SLC31A2: variants seen among roughly 807,000 people sequenced by gnomAD.
The protein encoded by SLC31A2 is protein SLC31A2.
A neutral mutation model predicts 14.4 loss-of-function variants in SLC31A2; 16 were observed. The ratio of observed to expected loss-of-function variants is 1.11; its 90% CI spans 0.75 to 1.69. The LOEUF (loss-of-function observed/expected upper bound fraction) is 1.69. Among genes scored for constraint, SLC31A2 ranks in the 40% most tolerant of loss-of-function variants. The pLI is 0.00. For synonymous variants in SLC31A2, 56 were observed against 68.7 expected, an observed-to-expected ratio of 0.82 and a Z score of 0.91; for missense variants, 140 against 173.9, an observed-to-expected ratio of 0.81 and a Z score of 1.10.
In SLC31A2 at chr9:113,162,885, T is replaced by A. The variant is rs777566073; in HGVS notation, c.400T>A (p.Tyr134Asn). Reference protein sequence around the residue: ...GVVLGSAVGYYLAYPLLSTA With the variant: ...GVVLGSAVGYNLAYPLLSTA ...GGTCTTGGGCTCTGCTGTGGGCTACTACCTAGCTTACCCACTTCTCAGCAC... is the reference window on the plus strand; with the variant it reads ...GGTCTTGGGCTCTGCTGTGGGCTACAACCTAGCTTACCCACTTCTCAGCAC... Residue 134 changes from tyrosine to asparagine, a missense_variant, in exon 4 of 4, where the codon TAC becomes AAC. Coordinates refer to ENST00000259392, the MANE Select transcript of SLC31A2 (RefSeq NM_001860.3). 2.5e-6 allele frequency: 4 copies of A among 1,612,586 alleles called. No homozygotes were observed. The highest frequency in any genetic ancestry group is 3.4e-6 in the Non-Finnish European group (4 of 1,179,546).
chr9:113,152,841 C>T (rs1429095153), intron 1 of SLC31A2, among the ~76,000 whole-genome samples: 1 of 152,240 alleles, frequency 6.6e-6, no homozygotes, highest in Non-Finnish European at 1.5e-5. Flanking sequence ...CCTAAGATAA[C>T]TGGCCCAGGC....
At chr9:113,161,817 AG>A (rs1248613083) in intron 3 of SLC31A2, 119 bp downstream of exon 3, 1 of 1,137,680 alleles carries the variant, frequency 8.8e-7, no homozygotes, top group Non-Finnish European at 1.3e-6. Context: ...GGGAAGGACC[AG>A]GACTTGCCAA....
At chr9:113,155,406 G>T (rs183949047) in intron 1 of SLC31A2, among the ~76,000 whole-genome samples, 25 of 152,320 alleles carry the variant, frequency 1.6e-4, no homozygotes, top group Middle Eastern at 3.4e-3. Context: ...ATGGAGCTAA[G>T]AATAATAATT....
In SLC31A2 at chr9:113,161,558, A is replaced by G. The variant is rs1830012621; in HGVS notation, c.123A>G (p.Glu41=). The G allele has an allele frequency of 1.2e-6, 2 of 1,613,922 alleles. No homozygotes were observed. The stretch of plus-strand genomic sequence containing the variant: ...TCCTGCTTCTGGCTGTACTGTATGA[A>G]GGCATCAAGGTTGGCAAAGCCAAGC... ...LVLLLLAVLY[E]GIKVGKAKLL... is the part of the protein sequence containing the mutation. The change falls in exon 3 of 4, where the codon GAA becomes GAG. Residue 41 remains glutamate, a synonymous_variant. Transcript: ENST00000259392.
At chr9:113,155,119 A>G (rs922498560) in intron 1 of SLC31A2, among the ~76,000 whole-genome samples, 4 of 152,242 alleles carry the variant, frequency 2.6e-5, no homozygotes, top group Non-Finnish European at 5.9e-5. Context: ...ATTGCACAAG[A>G]AAGTGGGCTG....
Position 113,161,533 on chromosome 9 carries a change from TC to T in SLC31A2, c.100del (p.Leu34CysfsTer23). ...PAGMALSVLV[L>X]LLLAVLYEGI... ...GGCATGGCCCTTTCGGTGTTGGTGC[TC>T]CTGCTTCTGGCTGTACTGTATGAAG... On this transcript the variant is annotated frameshift_variant, in exon 3 of 4. Transcript: ENST00000259392. LOFTEE classifies it high-confidence loss of function. 6.2e-7 allele frequency: 1 copy of T among 1,613,994 alleles called. No homozygotes were observed. Among genetic ancestry groups the T allele is most frequent in the South Asian group, 1.1e-5 (1 of 91,078 alleles).
At chr9:113,162,043 G>A (rs899657754) in intron 3 of SLC31A2, 11 of 386,632 alleles carry the variant, frequency 2.8e-5, no homozygotes, top group African/African-American at 2.1e-4. Flanking sequence ...ATATCCAGGA[G>A]GGGATCTGCA....
At chr9:113,161,810 A>AAGGACCAG in intron 3 of SLC31A2, 112 bp downstream of exon 3, 1 of 1,228,922 alleles carries the variant, frequency 8.1e-7, no homozygotes, top group South Asian at 1.2e-5. Flanking sequence ...AGGCCCAGGG[A>AAGGACCAG]AGGACCAGGA....
intron 2 of SLC31A2, among the ~76,000 whole-genome samples, chr9:113,159,208 G>C (rs2118832895): frequency 6.6e-6 from 1 of 152,182 alleles, no homozygotes; most frequent in East Asian, 1.9e-4. Context: ...TTGGCTCACT[G>C]CAATCTCCAC....
At chr9:113,158,221 C>A (rs943305572) in intron 2 of SLC31A2, 1 of 350,840 alleles carries the variant, frequency 2.9e-6, no homozygotes. Context: ...GATGAGACAC[C>A]AATTTGAAAG....
intron 1 of SLC31A2, chr9:113,156,148 T>C (rs754940934): frequency 5.8e-6 from 3 of 518,002 alleles, no homozygotes; most frequent in South Asian, 1.4e-5. Flanking sequence ...ACACTGACGT[T>C]TGCCTCCACC....
At chr9:113,158,482 T>C (rs1829963054) in intron 2 of SLC31A2, among the ~76,000 whole-genome samples, 1 of 152,220 alleles carries the variant, frequency 6.6e-6, no homozygotes, top group South Asian at 2.1e-4. Flanking sequence ...GTGAGTTGAC[T>C]GGACCCAGGT....
At chr9:113,152,788 G>T (rs1829884892) in intron 1 of SLC31A2, among the ~76,000 whole-genome samples, 2 of 152,226 alleles carry the variant, frequency 1.3e-5, no homozygotes, top group African/African-American at 4.8e-5. Flanking sequence ...TGTTCTGTGG[G>T]TGTTCAGGTC....
At chr9:113,159,876 T>TA (rs1452590688) in intron 2 of SLC31A2, among the ~76,000 whole-genome samples, 1 of 152,066 alleles carries the variant, frequency 6.6e-6, no homozygotes, top group Non-Finnish European at 1.5e-5. Context: ...AGGAAACACT[T>TA]AAAAAGAGTA....
chr9:113,158,009 G>T (rs758110928), intron 2 of SLC31A2: 10 of 636,580 alleles, frequency 1.6e-5, no homozygotes, highest in African/African-American at 5.4e-5. Context: ...CACAAAGGCC[G>T]AGAGGCAGGG....
At chr9:113,162,422 C>G (rs1774040120) in intron 3 of SLC31A2, 1 of 231,620 alleles carries the variant, frequency 4.3e-6, no homozygotes, top group Non-Finnish European at 8.4e-6. Flanking sequence ...GAAGTAGATT[C>G]AGGGGGGAAA....
At chr9:113,156,758 G>GC (rs1829938754) in intron 1 of SLC31A2, among the ~76,000 whole-genome samples, 1 of 152,172 alleles carries the variant, frequency 6.6e-6, no homozygotes, top group Admixed American at 6.5e-5. Flanking sequence ...CAGTCATTAA[G>GC]CCTGGTGTGG....
intron 1 of SLC31A2, among the ~76,000 whole-genome samples, chr9:113,155,076 C>T (rs1032397207): frequency 2.6e-5 from 4 of 152,182 alleles, no homozygotes; most frequent in Non-Finnish European, 5.9e-5. Flanking sequence ...TTAAAACAAC[C>T]GAACGACAGC....
In SLC31A2 at chr9:113,162,837, A is replaced by T. The variant is rs1409219027; in HGVS notation, c.352A>T (p.Asn118Tyr). Residue 118 changes from asparagine to tyrosine, a missense_variant, in exon 4 of 4, where the codon AAC becomes TAC. Transcript: ENST00000259392. Reference sequence around the variant, plus strand: ...CATCATGCTGGCCGTAATGTCCTACAACACCTGGATTTTCCTTGGTGTGGT... The same window carrying T: ...CATCATGCTGGCCGTAATGTCCTACTACACCTGGATTTTCCTTGGTGTGGT... The part of the protein sequence containing the change: ...YFIMLAVMSY[N>Y]TWIFLGVVLG... 2 of 1,613,636 alleles carry T rather than the reference A, an allele frequency of 1.2e-6. No homozygotes were observed. Among genetic ancestry groups the T allele is most frequent in the African/African-American group, 2.7e-5 (2 of 74,884 alleles).
Sources: allele counts gnomAD v4.1 joint callset (sites outside exome capture counted in the v4.1 genomes callset), GRCh38; gene constraint gnomAD v4.1.1; transcripts MANE v1.5; gene names NCBI Gene and HGNC (gene_info 2026-07-23, HGNC 2026-07-21).